The following LDB2 variants were observed in gnomAD, a reference collection of about 807,000 sequenced individuals.
LDB2 encodes LIM domain-binding protein 2.
A neutral mutation model predicts 44.3 loss-of-function variants in LDB2; 12 were observed. The observed-to-expected ratio is 0.27, with a 90% CI of 0.17 to 0.44. LDB2 has a LOEUF of 0.44. LDB2 is among the 20% of genes least tolerant of loss of function. LDB2 has a pLI of 1.00. For missense variants in LDB2, 344 were observed against 473.5 expected, an observed-to-expected ratio of 0.73 and a Z score of 2.54; for synonymous variants, 164 against 174.8, an observed-to-expected ratio of 0.94 and a Z score of 0.49.
chr4:16,727,433 C>A (rs1202789341), intron 2 of LDB2, among the ~76,000 whole-genome samples: 1 of 152,098 alleles, frequency 6.6e-6, no homozygotes. Context: ...TGGGAAGACT[C>A]GAGCATGGGG....
intron 5 of LDB2, among the ~76,000 whole-genome samples, chr4:16,570,527 C>T (rs899165754): frequency 2.1e-4 from 27 of 131,248 alleles, no homozygotes; most frequent in Non-Finnish European, 3.2e-4. Context: ...GTGATAGCCA[C>T]GGGAGGCAGA....
intron 5 of LDB2, among the ~76,000 whole-genome samples, chr4:16,553,269 C>T (rs1738299780): frequency 6.6e-6 from 1 of 152,200 alleles, no homozygotes; most frequent in African/African-American, 2.4e-5. Flanking sequence ...CTTCCCACTT[C>T]AGCCTCCTTA....
intron 6 of LDB2, 86 bp downstream of exon 6, chr4:16,511,895 T>G: frequency 7.0e-7 from 1 of 1,421,540 alleles, no homozygotes; most frequent in South Asian, 1.4e-5. Flanking sequence ...AAATTAATGA[T>G]CACTTTCTTC....
chr4:16,602,360 C>A (rs1455333151), intron 2 of LDB2, among the ~76,000 whole-genome samples: 3 of 152,156 alleles, frequency 2.0e-5, no homozygotes, highest in African/African-American at 7.2e-5. Flanking sequence ...GCCCAAGAAC[C>A]ACAGGGGCAA....
At chr4:16,669,083 G>A (rs889842708) in intron 2 of LDB2, among the ~76,000 whole-genome samples, 1 of 152,194 alleles carries the variant, frequency 6.6e-6, no homozygotes, top group Non-Finnish European at 1.5e-5. Context: ...GCAGGGAGCT[G>A]TTACCAGAAA....
At chr4:16,844,724 T>A (rs1001146534) in intron 1 of LDB2, among the ~76,000 whole-genome samples, 15 of 152,202 alleles carry the variant, frequency 9.9e-5, no homozygotes, top group Non-Finnish European at 2.1e-4. Flanking sequence ...GACATTGGTT[T>A]CGAGTGCTAC....
intron 5 of LDB2, among the ~76,000 whole-genome samples, chr4:16,575,161 T>C (rs1022130999): frequency 6.6e-6 from 1 of 152,184 alleles, no homozygotes; most frequent in Non-Finnish European, 1.5e-5. Context: ...TTTGTAGCTA[T>C]TTTATGGTTA....
chr4:16,521,858 ACT>A (rs1726230347), intron 5 of LDB2, among the ~76,000 whole-genome samples: 1 of 152,012 alleles, frequency 6.6e-6, no homozygotes. Context: ...TCCTGGGTGG[ACT>A]CTGATTGACA....
chr4:16,794,451 C>T (rs1209936083), intron 1 of LDB2, among the ~76,000 whole-genome samples: 2 of 152,166 alleles, frequency 1.3e-5, no homozygotes, highest in Admixed American at 6.5e-5. Flanking sequence ...CTTCTTATAC[C>T]TTCCCTGTCC....
rs191156082 is a variant in LDB2 at position 16,579,502 on chromosome 4, A to T, written c.615+6420T>A. Reference sequence around the variant, plus strand: ...CATTTAGAGTAAGGATTAAATACTGATTTAGAGCAAGTAGAAGAAATAATA... The same window carrying T: ...CATTTAGAGTAAGGATTAAATACTGTTTTAGAGCAAGTAGAAGAAATAATA... On this transcript the variant is annotated intron_variant, in intron 5 of 7. Transcript: ENST00000304523. Among the ~76,000 whole-genome samples the T allele has an allele frequency of 1.9e-3, 297 of 152,312 alleles. 1 individual carries two copies. Among genetic ancestry groups the T allele is most frequent in the African/African-American group, 6.6e-3 (275 of 41,574 alleles).
In LDB2 at chr4:16,739,578, A is replaced by G. The variant is rs1439787878; in HGVS notation, c.235+19580T>C. ...TCCAGCCTCGGTGACAGAGGGAAAA[A>G]AAAAAAAAAAAATATATATATATAT... On this transcript the variant is annotated intron_variant, in intron 2 of 7. Transcript: ENST00000304523. Among the ~76,000 whole-genome samples, 48 of 58,440 alleles carry G rather than the reference A, an allele frequency of 8.2e-4. 1 individual carries two copies. The Admixed American group carries it at 8.3e-3, about 10-fold the overall frequency. The allele number at this position is 58,440 out of a possible 152,430, so 38.3% of individuals were successfully genotyped here. A position where few individuals can be genotyped will look rare whatever the true frequency, so the allele number is the denominator to read the frequency against.
intron 1 of LDB2, among the ~76,000 whole-genome samples, chr4:16,804,742 C>G (rs1234159358): frequency 6.6e-6 from 1 of 152,132 alleles, no homozygotes. Flanking sequence ...GGGAGGAGAG[C>G]TAGATATTTG....
At chr4:16,616,892 C>G (rs1329549957) in intron 2 of LDB2, among the ~76,000 whole-genome samples, 2 of 152,106 alleles carry the variant, frequency 1.3e-5, no homozygotes, top group African/African-American at 2.4e-5. Flanking sequence ...TTTGGAAACT[C>G]TTGGTATTAT....
chr4:16,897,903 T>TATATATATATATAC (rs1725565199), intron 1 of LDB2, among the ~76,000 whole-genome samples: 1 of 19,864 alleles, frequency 5.0e-5, no homozygotes, highest in Non-Finnish European at 8.4e-5. Context: ...AAAATATATA[T>TATATATATATATAC]ATATATATAT....
intron 7 of LDB2, chr4:16,505,875 C>A (rs1284855532): frequency 6.4e-7 from 1 of 1,551,104 alleles, no homozygotes; most frequent in South Asian, 1.2e-5. Flanking sequence ...CTTTCAGGGC[C>A]CCTCAATGCT....
At chr4:16,872,292 ATAT>A in intron 1 of LDB2, among the ~76,000 whole-genome samples, 1 of 151,848 alleles carries the variant, frequency 6.6e-6, no homozygotes, top group Non-Finnish European at 1.5e-5. Context: ...ATTTTTCTTC[ATAT>A]TATTTTTATT....
chr4:16,764,389 T>G (rs568603850), intron 1 of LDB2, among the ~76,000 whole-genome samples: 1 of 152,046 alleles, frequency 6.6e-6, no homozygotes, highest in African/African-American at 2.4e-5. Flanking sequence ...AGATTAGGAG[T>G]TTAGGGAGTG....
chr4:16,681,747 A>AT (rs1267326376), intron 2 of LDB2, among the ~76,000 whole-genome samples: 3 of 136,342 alleles, frequency 2.2e-5, no homozygotes, highest in African/African-American at 5.5e-5. Context: ...ATTTTTTTGT[A>AT]TTTTTAGTAG....
intron 2 of LDB2, among the ~76,000 whole-genome samples, chr4:16,669,926 C>A (rs1311539308): frequency 6.6e-6 from 1 of 152,198 alleles, no homozygotes; most frequent in Non-Finnish European, 1.5e-5. Context: ...TGGTCCCTTG[C>A]CTGGTTTTAC....
Sources: allele counts gnomAD v4.1 joint callset (sites outside exome capture counted in the v4.1 genomes callset), GRCh38; gene constraint gnomAD v4.1.1; transcripts MANE v1.5; gene names NCBI Gene and HGNC (gene_info 2026-07-23, HGNC 2026-07-21).